DCP1A: variants seen among roughly 807,000 people sequenced by gnomAD.
DCP1A encodes the protein mRNA-decapping enzyme 1A.
Under a neutral mutation model 58.0 loss-of-function variants are expected in DCP1A, and 20 were observed. The observed-to-expected ratio is 0.34, with a 90% CI of 0.24 to 0.50. The LOEUF (loss-of-function observed/expected upper bound fraction) is 0.50, where lower values mean the gene tolerates loss of function less well. Ranked by LOEUF, DCP1A falls within the 20% of genes least tolerant of loss-of-function variation. The pLI is 0.98. For missense variants in DCP1A, 613 were observed against 712.2 expected (o/e 0.86, Z 1.59); for synonymous variants, 285 against 275.1 (o/e 1.04, Z -0.36).
At chr3:53,308,862 AG>A (rs1260789040) in intron 5 of DCP1A, among the ~76,000 whole-genome samples, 11 of 152,158 alleles carry the variant, frequency 7.2e-5, no homozygotes, top group Non-Finnish European at 1.5e-5. Flanking sequence ...CGGCCTCCCA[AG>A]GTGCTGGAAT....
chr3:53,323,106 G>C (rs1198753644), intron 3 of DCP1A, among the ~76,000 whole-genome samples: 1 of 152,148 alleles, frequency 6.6e-6, no homozygotes, highest in Non-Finnish European at 1.5e-5. Flanking sequence ...TTACAGGCGT[G>C]AGCCACCGCG....
intron 4 of DCP1A, 29 bp from the exon 5 acceptor site, chr3:53,312,408 G>T: frequency 6.5e-7 from 1 of 1,527,026 alleles, no homozygotes; most frequent in South Asian, 1.3e-5. Flanking sequence ...GTTTTAGAAA[G>T]GCCTCTTGAA....
At chr3:53,288,377 A>C (rs1706726522) in intron 8 of DCP1A, 94 bp from the exon 9 acceptor site, 4 of 917,140 alleles carry the variant, frequency 4.4e-6, no homozygotes, top group Admixed American at 4.7e-5. Flanking sequence ...TAAGCAGCAG[A>C]AGAGTGGAGC....
chr3:53,312,340 A>C lies in DCP1A; in HGVS notation c.411T>G (p.Ala137=). The C allele has an allele frequency of 6.2e-7, 1 of 1,612,846 alleles. No homozygotes were observed. The highest frequency in any genetic ancestry group is 8.5e-7 in the Non-Finnish European group (1 of 1,179,510). ...CCTGGCTGGGACTCTGTTTGTCCCG[A>C]GCAGCTTGCTGGGATCGCCGTGTCT... The part of the protein sequence containing the change: ...EEETRRSQQA[A]RDKQSPSQAN... Residue 137 remains alanine (A), a synonymous_variant, in exon 5 of 10, where the codon GCT becomes GCG. Transcript: ENST00000610213.
chr3:53,315,771 T>TTTTG (rs1707791498), intron 4 of DCP1A, among the ~76,000 whole-genome samples: 1 of 130,160 alleles, frequency 7.7e-6, no homozygotes, highest in African/African-American at 2.9e-5. Flanking sequence ...TTTTTTTTTT[T>TTTTG]GAGACGGAGT....
At chr3:53,303,106 C>T (rs1332986358) in intron 6 of DCP1A, among the ~76,000 whole-genome samples, 3 of 151,714 alleles carry the variant, frequency 2.0e-5, no homozygotes, top group Admixed American at 6.6e-5. Flanking sequence ...CATGACATCA[C>T]GTCTGGCTAA....
intron 5 of DCP1A, among the ~76,000 whole-genome samples, chr3:53,305,393 A>G (rs1707440273): frequency 6.6e-6 from 1 of 150,994 alleles, no homozygotes; most frequent in South Asian, 2.1e-4. Flanking sequence ...TCTGTTGCCC[A>G]GCCTGGATTT....
chr3:53,341,184 G>A (rs1430681595), intron 3 of DCP1A, among the ~76,000 whole-genome samples: 2 of 152,014 alleles, frequency 1.3e-5, no homozygotes, highest in Non-Finnish European at 2.9e-5. Context: ...GCCGGGCGTG[G>A]TGGCTCATGC....
chr3:53,308,144 A>C (rs1396699302), intron 5 of DCP1A, among the ~76,000 whole-genome samples: 3 of 152,234 alleles, frequency 2.0e-5, no homozygotes, highest in African/African-American at 7.2e-5. Flanking sequence ...AGGTGGTAGA[A>C]CTATGATATT....
intron 1 of DCP1A, among the ~76,000 whole-genome samples, 170 bp downstream of exon 1, chr3:53,347,213 C>T (rs1553693234): frequency 6.6e-6 from 1 of 152,180 alleles, no homozygotes; most frequent in African/African-American, 2.4e-5. Context: ...CCCCCAATCC[C>T]AAGCGGACCC....
intron 7 of DCP1A, 53 bp downstream of exon 7, chr3:53,292,016 T>C: frequency 4.6e-6 from 7 of 1,535,380 alleles, no homozygotes; most frequent in Non-Finnish European, 6.1e-6. Flanking sequence ...TGTAGTTTCA[T>C]CCCATCCAGT....
chr3:53,329,415 C>T (rs1336440506), intron 3 of DCP1A: 8 of 398,360 alleles, frequency 2.0e-5, no homozygotes, highest in South Asian at 1.3e-4. Context: ...GAAGCAGAAA[C>T]GAAGGGGTAC....
Position 53,288,140 on chromosome 3 carries a change from CGTTCCAATA to C in DCP1A, c.1584_1592del (p.Ile529_Thr531del). ...TGGAAGGCTTTCTCTGACTTTCTGG[CGTTCCAATA>C]GTTAGAGGAGAAGGGGAGCTGGCTT... On this transcript the variant is annotated inframe_deletion, in exon 9 of 10. Coordinates refer to ENST00000610213, the MANE Select transcript of DCP1A (RefSeq NM_018403.7). The C allele has an allele frequency of 1.2e-6, 2 of 1,613,980 alleles. No homozygotes were observed. The highest frequency in any genetic ancestry group is 2.7e-5 in the African/African-American group (2 of 75,038).
At position 53,286,713 on chromosome 3, in the gene DCP1A, T is replaced by G. The variant is rs1706647860; in HGVS notation, c.*867A>C. The G allele has an allele frequency of 6.6e-6, 1 of 152,246 alleles. No homozygotes were observed. Among genetic ancestry groups the G allele is most frequent in the Non-Finnish European group, 1.5e-5 (1 of 68,042 alleles). The allele number at this position is 152,246 out of a possible 1,614,324, so 9.4% of individuals were successfully genotyped here. On this transcript the variant is annotated 3_prime_UTR_variant, in exon 10 of 10. Coordinates refer to ENST00000610213, the MANE Select transcript of DCP1A (RefSeq NM_018403.7). ...TTTGTCAGATTGGTCCACTGGTCCT[T>G]TTGTCAAAGTGTTAAGGAAAACAAT...
intron 4 of DCP1A, among the ~76,000 whole-genome samples, chr3:53,316,043 C>T (rs532639301): frequency 3.3e-5 from 5 of 152,034 alleles, no homozygotes; most frequent in South Asian, 2.1e-4. Flanking sequence ...CGTGAGCCAC[C>T]GCGCCCAGCC....
At chr3:53,338,017 C>A in intron 3 of DCP1A, 1 of 308,906 alleles carries the variant, frequency 3.2e-6, no homozygotes, top group Non-Finnish European at 6.7e-6. Context: ...TTTATTGTTA[C>A]AGTAGAGTGG....
At position 53,287,474 on chromosome 3, in the gene DCP1A, C is replaced by T; in HGVS notation, c.*106G>A. The T allele has an allele frequency of 1.5e-6, 1 of 665,642 alleles. No individual in the cohort carries two copies. 41.2% of individuals were successfully genotyped at this position (665,642 alleles called of 1,614,324 possible). On this transcript the variant is annotated 3_prime_UTR_variant, in exon 10 of 10. Transcript: ENST00000610213. ...AAGAAATGAGTCTCTTTCTCATAGG[C>T]TCAATTTCAGGATTCTCAAACTCAA...
At chr3:53,325,204 C>T (rs1708075886) in intron 3 of DCP1A, among the ~76,000 whole-genome samples, 1 of 152,112 alleles carries the variant, frequency 6.6e-6, no homozygotes, top group Non-Finnish European at 1.5e-5. Context: ...ATGGCTCACA[C>T]AAGATCAAGA....
chr3:53,327,168 A>G (rs1708133016), intron 3 of DCP1A, among the ~76,000 whole-genome samples: 1 of 152,138 alleles, frequency 6.6e-6, no homozygotes, highest in Non-Finnish European at 1.5e-5. Context: ...GGTGTAAAAA[A>G]GGGGGGGAAC....
Sources: gnomAD v4.1 joint callset for allele counts (sites outside exome capture counted in the v4.1 genomes callset) on GRCh38, gnomAD v4.1.1 for gene constraint, MANE v1.5 for transcripts, NCBI Gene and HGNC (gene_info 2026-07-23, HGNC 2026-07-21) for gene names.